DCC: variants seen among roughly 807,000 people sequenced by gnomAD.
DCC encodes the protein netrin receptor DCC.
Under a neutral mutation model 172.5 loss-of-function variants are expected in DCC, and 58 were observed. The observed-to-expected ratio is 0.34, with a 90% CI of 0.27 to 0.42. The LOEUF is 0.42. Among genes scored for constraint, DCC ranks in the 10% least tolerant of loss-of-function variants. The probability of loss-of-function intolerance (pLI) is 1.00; values close to 1 mark genes in which losing one functional copy is unlikely to be tolerated. For missense variants in DCC, 1,740 were observed against 1,791.0 expected (o/e 0.97, Z 0.51); for synonymous variants, 709 against 644.5 (o/e 1.10, Z -1.52).
intron 2 of DCC, among the ~76,000 whole-genome samples, chr18:52,769,477 T>G (rs2145162916): frequency 6.6e-6 from 1 of 152,332 alleles, no homozygotes; most frequent in East Asian, 1.9e-4. Context: ...TGAGAGTCCT[T>G]TATCAGATAC....
chr18:52,807,571 G>A (rs1478694935), intron 2 of DCC, among the ~76,000 whole-genome samples: 1 of 152,176 alleles, frequency 6.6e-6, no homozygotes, highest in Non-Finnish European at 1.5e-5. Context: ...GATGCTGGAG[G>A]CTTTAATGGA....
At chr18:53,039,290 C>T (rs1193285511) in intron 5 of DCC, among the ~76,000 whole-genome samples, 1 of 152,004 alleles carries the variant, frequency 6.6e-6, no homozygotes, top group African/African-American at 2.4e-5. Context: ...TTTGTCCTCA[C>T]ACAGTATTCT....
chr18:52,424,418 C>T (rs1292802942), intron 1 of DCC, among the ~76,000 whole-genome samples: 1 of 152,102 alleles, frequency 6.6e-6, no homozygotes, highest in Non-Finnish European at 1.5e-5. Context: ...AACCATATCC[C>T]TTCTTCCCTA....
intron 8 of DCC, among the ~76,000 whole-genome samples, chr18:53,178,275 T>C (rs1164637907): frequency 1.3e-5 from 2 of 152,200 alleles, no homozygotes; most frequent in Admixed American, 1.3e-4. Flanking sequence ...GCAACCATGA[T>C]CAGTAGATTA....
chr18:53,241,859 G>A (rs2056299698), intron 12 of DCC, among the ~76,000 whole-genome samples: 1 of 152,120 alleles, frequency 6.6e-6, no homozygotes, highest in African/African-American at 2.4e-5. Flanking sequence ...AATCACACAT[G>A]GAGTTTTAGC....
intron 2 of DCC, among the ~76,000 whole-genome samples, chr18:52,832,624 A>G (rs867899064): frequency 1.3e-5 from 2 of 152,134 alleles, no homozygotes; most frequent in South Asian, 2.1e-4. Context: ...GGTAGACTCT[A>G]CTATTTAGCA....
chr18:52,922,134 A>G (rs182363264), intron 3 of DCC, among the ~76,000 whole-genome samples: 2 of 152,312 alleles, frequency 1.3e-5, no homozygotes, highest in East Asian at 3.9e-4. Context: ...GTATTGATAT[A>G]ATAAAGATGA....
chr18:52,940,763 T>A (rs960067722), intron 5 of DCC, among the ~76,000 whole-genome samples: 1 of 152,202 alleles, frequency 6.6e-6, no homozygotes, highest in African/African-American at 2.4e-5. Context: ...ATATCTTAAT[T>A]GATGTCAGCT....
At position 53,313,619 on chromosome 18, in the gene DCC, T is replaced by TC. The variant is rs975375824; in HGVS notation, c.2053+7902dup. Among the ~76,000 whole-genome samples, 31 of 152,222 alleles carry TC rather than the reference T, an allele frequency of 2.0e-4. 1 individual carries two copies. Among genetic ancestry groups the TC allele is most frequent in the Non-Finnish European group, 4.4e-5 (3 of 68,038 alleles). On this transcript the variant is annotated intron_variant, in intron 13 of 28. Coordinates refer to ENST00000442544, the MANE Select transcript of DCC (RefSeq NM_005215.4). ...GGATATTACTGATTTCTTAGCTTGATCCACTGTCAAAAATAATAGAATCAT... is the reference window on the plus strand; with the variant it reads ...GGATATTACTGATTTCTTAGCTTGATCCCACTGTCAAAAATAATAGAATCAT...
intron 7 of DCC, among the ~76,000 whole-genome samples, chr18:53,122,954 T>G (rs1407525143): frequency 6.6e-6 from 1 of 152,052 alleles, no homozygotes; most frequent in Non-Finnish European, 1.5e-5. Context: ...CATTTTCTTG[T>G]GAATTCTAGA....
At chr18:52,652,098 T>C (rs1720514700) in intron 1 of DCC, among the ~76,000 whole-genome samples, 1 of 152,182 alleles carries the variant, frequency 6.6e-6, no homozygotes. Flanking sequence ...AGACAAGAAC[T>C]AGGCGGTCTT....
At chr18:53,363,854 G>T (rs1050575122) in intron 15 of DCC, among the ~76,000 whole-genome samples, 6 of 152,086 alleles carry the variant, frequency 3.9e-5, no homozygotes, top group Non-Finnish European at 7.3e-5. Flanking sequence ...TCAGTGTTTT[G>T]CCTGGCTTCA....
chr18:52,805,463 G>A (rs535844485), intron 2 of DCC, among the ~76,000 whole-genome samples: 232 of 152,270 alleles, frequency 1.5e-3, no homozygotes, highest in African/African-American at 5.3e-3. Context: ...AAAAAGGAAG[G>A]AAATAAGAGA....
At chr18:52,452,620 C>T (rs1988340357) in intron 1 of DCC, among the ~76,000 whole-genome samples, 1 of 152,200 alleles carries the variant, frequency 6.6e-6, no homozygotes, top group African/African-American at 2.4e-5. Context: ...GTTGCCAATA[C>T]TGGGTTTTGC....
intron 5 of DCC, among the ~76,000 whole-genome samples, chr18:52,964,482 A>G (rs1263700252): frequency 1.3e-5 from 2 of 152,106 alleles, no homozygotes; most frequent in African/African-American, 4.8e-5. Context: ...TTTTTTTTAA[A>G]GAATCATGGA....
rs1598934483 is a variant in DCC at position 52,923,892 on chromosome 18, C to A, written c.848+35C>A. 6 of 1,513,252 alleles carry A rather than the reference C, an allele frequency of 4.0e-6. No individual in the cohort carries two copies. In the East Asian group the frequency reaches 1.4e-4, roughly 34 times the overall value. The allele number at this position is 1,513,252 out of a possible 1,614,324, so 93.7% of individuals were successfully genotyped here. On this transcript the variant is annotated intron_variant, in intron 4 of 28. Transcript: ENST00000442544. The stretch of plus-strand genomic sequence containing the variant: ...ATTTAAGACTTTTTTGTAAAGTGTA[C>A]TTTTGTATGGTATATGCTGCTATTT...
At chr18:53,265,379 A>T (rs1216788909) in intron 12 of DCC, among the ~76,000 whole-genome samples, 1 of 152,176 alleles carries the variant, frequency 6.6e-6, no homozygotes, top group African/African-American at 2.4e-5. Flanking sequence ...TTCTATCATA[A>T]AAGTGTACTA....
At chr18:52,420,175 T>A (rs1452007487) in intron 1 of DCC, among the ~76,000 whole-genome samples, 7 of 152,142 alleles carry the variant, frequency 4.6e-5, no homozygotes, top group African/African-American at 1.7e-4. Context: ...AAGATGGGGA[T>A]GTTGCATAGA....
intron 1 of DCC, among the ~76,000 whole-genome samples, chr18:52,602,400 A>AGTGTGTGTGTGTGT (rs71175506): frequency 0.17 from 24,853 of 148,578 alleles, 2,240 homozygotes; most frequent in Middle Eastern, 0.21. Flanking sequence ...TTAGTATCAA[A>AGTGTGTGTGTGTGT]GTGTGTGTGT....
Sources: gnomAD v4.1 joint callset for allele counts (sites outside exome capture counted in the v4.1 genomes callset) on GRCh38, gnomAD v4.1.1 for gene constraint, MANE v1.5 for transcripts, NCBI Gene and HGNC (gene_info 2026-07-23, HGNC 2026-07-21) for gene names.